The following UGT1A7 variants were observed in gnomAD, a reference collection of about 807,000 sequenced individuals.
UGT1A7 encodes UDP-glucuronosyltransferase 1A7.
UGT1A7 carries 33 observed loss-of-function variants against 45.6 expected under a neutral mutation model. The ratio of observed to expected loss-of-function variants is 0.72; its 90% CI spans 0.55 to 0.97. The LOEUF is 0.97. Ranked by LOEUF, UGT1A7 falls within the 50% of genes least tolerant of loss-of-function variation. The pLI, the probability that UGT1A7 is intolerant of heterozygous loss-of-function variation, is 0.00. For synonymous variants in UGT1A7, 274 were observed against 250.6 expected, an observed-to-expected ratio of 1.09 and a Z score of -0.88; for missense variants, 684 against 666.2, an observed-to-expected ratio of 1.03 and a Z score of -0.29.
chr2:233,713,753 G>T (rs764408773), intron 1 of UGT1A7: 4 of 1,613,952 alleles, frequency 2.5e-6, no homozygotes, highest in East Asian at 2.2e-5. Flanking sequence ...ATGCATCTGT[G>T]TGGCTGTTCC....
Position 233,772,366 on chromosome 2 carries a change from G to T in UGT1A7, c.1400G>T (p.Gly467Val). Residue 467 changes from glycine (G) to valine (V), a missense_variant, in exon 5 of 5, where the codon GGC (glycine) becomes GTC (valine). Physicochemically the swap from Gly to Val is moderately radical, Grantham distance 109. Transcript: ENST00000373426. ...GTGGAGTTTGTGATGAGGCACAAGG[G>T]CGCGCCACACCTGCGCCCCGCAGCC... ...FWVEFVMRHK[G>V]APHLRPAAHD... The T allele has an allele frequency of 6.2e-7, 1 of 1,614,234 alleles. No individual in the cohort carries two copies. The highest frequency in any genetic ancestry group is 8.5e-7 in the Non-Finnish European group (1 of 1,180,048).
chr2:233,756,052 G>C (rs1468615948), intron 1 of UGT1A7: 2 of 152,164 alleles, frequency 1.3e-5, no homozygotes, highest in Non-Finnish European at 2.9e-5. Flanking sequence ...AAACTCCACT[G>C]TACACTTGTG....
rs574685315 is a variant in UGT1A7 at position 233,731,448 on chromosome 2, A to C, written c.856-35586A>C. Among the ~76,000 whole-genome samples, 490 of 151,900 alleles carry C rather than the reference A, an allele frequency of 3.2e-3. 2 individuals carry two copies. The highest frequency in any genetic ancestry group is 0.01 in the African/African-American group (431 of 41,418). Reference sequence around the variant, plus strand: ...CATCCCTCCCCCAGTCCCCCACCCCACAACAGGCCCTGGCGTGTGATGTTC... The same window carrying C: ...CATCCCTCCCCCAGTCCCCCACCCCCCAACAGGCCCTGGCGTGTGATGTTC... On this transcript the variant is annotated intron_variant, in intron 1 of 4. Coordinates refer to ENST00000373426, the MANE Select transcript of UGT1A7 (RefSeq NM_019077.3).
chr2:233,682,523 GGGT>G lies in UGT1A7; in HGVS notation c.587_589del (p.Gly196_Phe197delinsVal), dbSNP rs774986893. 2 of 1,613,852 alleles carry G rather than the reference GGGT, an allele frequency of 1.2e-6. No homozygotes were observed. Among genetic ancestry groups the G allele is most frequent in the Middle Eastern group, 1.7e-4 (1 of 6,056 alleles). Reference sequence around the variant, plus strand: ...TTCCTATGTCCCCAGACTTCTCTTAGGGTTCTCAGACGCCATGACTTTCAAGGA... The same window carrying G: ...TTCCTATGTCCCCAGACTTCTCTTAGTCTCAGACGCCATGACTTTCAAGGA... On this transcript the variant is annotated inframe_deletion, in exon 1 of 5. Coordinates refer to ENST00000373426, the MANE Select transcript of UGT1A7 (RefSeq NM_019077.3).
intron 1 of UGT1A7, chr2:233,741,493 A>C (rs1327060039): frequency 1.3e-5 from 2 of 151,862 alleles, no homozygotes; most frequent in Non-Finnish European, 2.9e-5. Context: ...ATGTACAAAA[A>C]ACTGAACTCA....
At chr2:233,753,977 T>C (rs138478111) in intron 1 of UGT1A7, among the ~76,000 whole-genome samples, 15 of 152,322 alleles carry the variant, frequency 9.8e-5, no homozygotes, top group African/African-American at 3.4e-4. Context: ...ACGTGTGTTG[T>C]TTTAAGCCAC....
intron 1 of UGT1A7, among the ~76,000 whole-genome samples, chr2:233,761,486 A>C (rs1697783062): frequency 6.6e-6 from 1 of 152,228 alleles, no homozygotes; most frequent in South Asian, 2.1e-4. Flanking sequence ...TGAAGCCTGC[A>C]CCTTGCCCTG....
chr2:233,724,248 C>A (rs1157079277), intron 1 of UGT1A7, among the ~76,000 whole-genome samples: 1 of 130,578 alleles, frequency 7.7e-6, no homozygotes, highest in Admixed American at 7.2e-5. Context: ...GGCAGAGGCG[C>A]CCCTCACCTC....
intron 1 of UGT1A7, among the ~76,000 whole-genome samples, chr2:233,686,175 C>T (rs1190850906): frequency 6.6e-6 from 1 of 151,750 alleles, no homozygotes; most frequent in Non-Finnish European, 1.5e-5. Context: ...AATAGAAAAT[C>T]TAAAACTGTA....
At chr2:233,732,144 T>G (rs1266752790) in intron 1 of UGT1A7, among the ~76,000 whole-genome samples, 4 of 152,136 alleles carry the variant, frequency 2.6e-5, no homozygotes, top group Admixed American at 2.0e-4. Context: ...TTGTTTGTTT[T>G]TTTTCTTGTA....
At chr2:233,743,470 G>T in intron 1 of UGT1A7, 1 of 1,366,762 alleles carries the variant, frequency 7.3e-7, no homozygotes, top group Non-Finnish European at 9.8e-7. Flanking sequence ...ACCCCCAAAA[G>T]CTGGAAATTC....
chr2:233,759,106 A>G (rs1201357273), intron 1 of UGT1A7, among the ~76,000 whole-genome samples: 1 of 152,224 alleles, frequency 6.6e-6, no homozygotes, highest in Non-Finnish European at 1.5e-5. Flanking sequence ...ACAGTTTGCA[A>G]ACCAGGGAGT....
rs67292694 is a variant in UGT1A7, at chr2:233,757,535, A to AATATATATATATATATAT, written c.856-9490_856-9473dup. Among the ~76,000 whole-genome samples the AATATATATATATATATAT allele has an allele frequency of 4.3e-3, 380 of 88,202 alleles. 7 individuals carry two copies. The highest frequency in any genetic ancestry group is 0.012 in the Middle Eastern group (2 of 172). The allele number at this position is 88,202 out of a possible 152,430, so 57.9% of individuals were successfully genotyped here. ...CAAAGCCAAAATCTTGCCTGTAAGG[A>AATATATATATATATATAT]ATATATATATATATATATATATATA... On this transcript the variant is annotated intron_variant, in intron 1 of 4. Transcript: ENST00000373426.
At chr2:233,690,928 C>T (rs2075021856) in intron 1 of UGT1A7, 1 of 1,021,222 alleles carries the variant, frequency 9.8e-7, no homozygotes, top group African/African-American at 1.7e-5. Context: ...TTCTTCAGCT[C>T]CTTCCTCCAA....
chr2:233,713,474 G>A, intron 1 of UGT1A7: 1 of 1,614,060 alleles, frequency 6.2e-7, no homozygotes, highest in South Asian at 1.1e-5. Flanking sequence ...CGGCGGTGCT[G>A]GCTAAGTACC....
chr2:233,718,465 T>G (rs2076655710), intron 1 of UGT1A7, among the ~76,000 whole-genome samples: 1 of 152,222 alleles, frequency 6.6e-6, no homozygotes, highest in Non-Finnish European at 1.5e-5. Context: ...AGACCTCAGC[T>G]GCAGCCTGAT....
intron 1 of UGT1A7, chr2:233,729,033 A>G: frequency 1.9e-6 from 3 of 1,602,256 alleles, no homozygotes; most frequent in Admixed American, 3.4e-5. Context: ...TTGATTTGCT[A>G]AGTGGCTCAG....
intron 1 of UGT1A7, chr2:233,761,042 C>G: frequency 6.2e-7 from 1 of 1,614,180 alleles, no homozygotes; most frequent in Non-Finnish European, 8.5e-7. Flanking sequence ...AGCTCTGCAT[C>G]TGTCTGGCTG....
intron 1 of UGT1A7, chr2:233,747,772 G>C (rs1693773071): frequency 6.2e-7 from 1 of 1,613,364 alleles, no homozygotes; most frequent in Non-Finnish European, 8.5e-7. Context: ...GGCACACAGT[G>C]TCCAAATCCT....
Sources: allele counts gnomAD v4.1 joint callset (sites outside exome capture counted in the v4.1 genomes callset), GRCh38; gene constraint gnomAD v4.1.1; transcripts MANE v1.5; gene names NCBI Gene and HGNC (gene_info 2026-07-23, HGNC 2026-07-21).